Variants in CA12 observed in about 807,000 individuals in gnomAD.
The protein encoded by CA12 is carbonate dehydratase XII.
Under a neutral mutation model 46.8 loss-of-function variants are expected in CA12, and 36 were observed. The ratio of observed to expected loss-of-function variants is 0.77; its 90% CI spans 0.59 to 1.02. The LOEUF (loss-of-function observed/expected upper bound fraction) is 1.02, where lower values mean the gene tolerates loss of function less well. Ranked by LOEUF, CA12 falls within the 50% of genes least tolerant of loss-of-function variation. CA12 has a pLI of 0.00. For missense variants in CA12, 436 were observed against 451.4 expected, an observed-to-expected ratio of 0.97 and a Z score of 0.31; for synonymous variants, 202 against 187.0, an observed-to-expected ratio of 1.08 and a Z score of -0.65.
Position 63,341,217 on chromosome 15 carries a change from A to C in CA12, c.526-434T>G, listed in dbSNP as rs1368566733. 6.6e-6 allele frequency among the ~76,000 whole-genome samples: 1 copy of C among 152,178 alleles called. No homozygotes were observed. Among genetic ancestry groups the C allele is most frequent in the Admixed American group, 6.5e-5 (1 of 15,282 alleles). On this transcript the variant is annotated intron_variant, in intron 5 of 10. Coordinates refer to ENST00000178638, the MANE Select transcript of CA12 (RefSeq NM_001218.5). The surrounding 1 kb of genome is among the most constrained non-coding windows in gnomAD (Gnocchi z 5.2). ...CAAGCCAATCAGAAGACATTCCTCT[A>C]TCTTGGGATAAAAAAAGAATTCATT...
chr15:63,366,138 C>A (rs1339602433), intron 2 of CA12, among the ~76,000 whole-genome samples: 69 of 116,842 alleles, frequency 5.9e-4, no homozygotes, highest in South Asian at 2.3e-3. Flanking sequence ...GAGACTATCT[C>A]AAAAAAAAAA....
chr15:63,347,160 C>T (rs745816854), intron 2 of CA12, among the ~76,000 whole-genome samples: 10 of 152,228 alleles, frequency 6.6e-5, no homozygotes, highest in Non-Finnish European at 1.5e-4. Context: ...TCTGCGGGGC[C>T]ACCCCAGGTG....
At position 63,373,470 on chromosome 15, in the gene CA12, C is replaced by T. The variant is rs530074445; in HGVS notation, c.106+2188G>A. 3.9e-5 allele frequency among the ~76,000 whole-genome samples: 6 copies of T among 152,216 alleles called. No individual in the cohort carries two copies. The highest frequency in any genetic ancestry group is 1.9e-4 in the East Asian group (1 of 5,176). ...ACAGAGAGATAGGGATAGAGGACCCCGTAGAGATGTGATCTGTGTTTCTAT... is the reference window on the plus strand; with the variant it reads ...ACAGAGAGATAGGGATAGAGGACCCTGTAGAGATGTGATCTGTGTTTCTAT... On this transcript the variant is annotated intron_variant, in intron 2 of 10. Transcript: ENST00000178638. The surrounding 1 kb of genome is among the most constrained non-coding windows in gnomAD (Gnocchi z 4.9).
intron 8 of CA12, among the ~76,000 whole-genome samples, chr15:63,334,242 C>CTTTTTTTTTTTT (rs71131163): frequency 4.6e-5 from 3 of 64,964 alleles, no homozygotes; most frequent in African/African-American, 1.4e-4. Context: ...GGAAGAGGCA[C>CTTTTTTTTTTTT]TTTTTTTTTT....
rs373497090 is a variant in CA12 at position 63,343,279 on chromosome 15, C to T, written c.430-1182G>A. On this transcript the variant is annotated intron_variant, in intron 4 of 10. Coordinates refer to ENST00000178638, the MANE Select transcript of CA12 (RefSeq NM_001218.5). ...TTGAGGAGATTAAGATAGAAAGAATCTTTTTTTTTTTTTTTTTTTTTAATG... is the reference window on the plus strand; with the variant it reads ...TTGAGGAGATTAAGATAGAAAGAATTTTTTTTTTTTTTTTTTTTTTTAATG... 3.6e-3 allele frequency among the ~76,000 whole-genome samples: 351 copies of T among 98,762 alleles called. 2 individuals carry two copies. The highest frequency in any genetic ancestry group is 0.012 in the African/African-American group (305 of 26,506). The allele number at this position is 98,762 out of a possible 152,430, so 64.8% of individuals were successfully genotyped here.
rs913010070 is a variant in CA12, at chr15:63,368,532, C to G, written c.106+7126G>C. On this transcript the variant is annotated intron_variant, in intron 2 of 10. Transcript: ENST00000178638. ...CTTCCCACTCATGCTTTGAATTCAG[C>G]CTTTTTACTTGAAAGATTTATTTTG... 2.6e-5 allele frequency among the ~76,000 whole-genome samples: 4 copies of G among 152,246 alleles called. No individual in the cohort carries two copies. In the East Asian group the frequency reaches 5.8e-4, roughly 22 times the overall value.
chr15:63,340,285 T>TA lies in CA12; in HGVS notation c.747+2dup. 1 of 1,614,174 alleles carries TA rather than the reference T, an allele frequency of 6.2e-7. No individual in the cohort carries two copies. Among genetic ancestry groups the TA allele is most frequent in the Middle Eastern group, 1.6e-4 (1 of 6,062 alleles). Reference sequence around the variant, plus strand: ...CTCTGGCTGAGTCTGGCACGACAGTTACCTGCTCCTGGGAAATTTGCACGG... The same window carrying TA: ...CTCTGGCTGAGTCTGGCACGACAGTTAACCTGCTCCTGGGAAATTTGCACGG... On this transcript the variant is annotated splice_region_variant and intron_variant, in intron 7 of 10. Transcript: ENST00000178638. This position sits in a 1 kb window ranked among gnomAD's most constrained non-coding sequence, Gnocchi z 4.4.
At position 63,325,846 on chromosome 15, in the gene CA12, G is replaced by A. The variant is rs929539025; in HGVS notation, c.*439C>T. 9.4e-6 allele frequency: 2 copies of A among 213,098 alleles called. No individual in the cohort carries two copies. Among genetic ancestry groups the A allele is most frequent in the African/African-American group, 4.5e-5 (2 of 44,460 alleles). The allele number at this position is 213,098 out of a possible 1,614,324, so 13.2% of individuals were successfully genotyped here. ...CCCGTCTCCAGAGGAAAGAAGTTGA[G>A]TTTCCCAAGCAAAACCTAAGCAGAG... On this transcript the variant is annotated 3_prime_UTR_variant, in exon 11 of 11. Transcript: ENST00000178638. The surrounding 1 kb of genome is among the most constrained non-coding windows in gnomAD (Gnocchi z 4.9).
intron 2 of CA12, among the ~76,000 whole-genome samples, chr15:63,353,147 T>C (rs542980875): frequency 2.0e-5 from 3 of 151,992 alleles, no homozygotes; most frequent in Non-Finnish European, 2.9e-5. Flanking sequence ...AGTAAACCAA[T>C]GCACAAGGAA....
chr15:63,351,765 G>T (rs2039235401), intron 2 of CA12, among the ~76,000 whole-genome samples: 1 of 152,198 alleles, frequency 6.6e-6, no homozygotes, highest in Non-Finnish European at 1.5e-5. Flanking sequence ...GCCTACTCGG[G>T]TTGTGCACAC....
intron 2 of CA12, among the ~76,000 whole-genome samples, chr15:63,366,756 C>T (rs760606123): frequency 2.0e-5 from 3 of 152,050 alleles, no homozygotes; most frequent in Non-Finnish European, 4.4e-5. Flanking sequence ...TCATGGTACC[C>T]ATGTGGTGGG....
intron 2 of CA12, among the ~76,000 whole-genome samples, chr15:63,350,513 T>C (rs2039215742): frequency 6.6e-6 from 1 of 152,244 alleles, no homozygotes; most frequent in Non-Finnish European, 1.5e-5. Context: ...ATGATCGTGA[T>C]ACAGGAGGAT....
Position 63,329,715 on chromosome 15 carries a change from G to A in CA12, c.875-1585C>T, listed in dbSNP as rs375874299. On this transcript the variant is annotated intron_variant, in intron 8 of 10. Transcript: ENST00000178638. This position sits in a 1 kb window ranked among gnomAD's most constrained non-coding sequence, Gnocchi z 4.8. ...AACCCACAGTGGTGGCTGAGGCCCT[G>A]GGAGAGCCCTGGTCAAGTGTAAGAT... Among the ~76,000 whole-genome samples, 1 of 152,148 alleles carries A rather than the reference G, an allele frequency of 6.6e-6. No individual in the cohort carries two copies.
At position 63,330,080 on chromosome 15, in the gene CA12, C is replaced by A. The variant is rs1206685913; in HGVS notation, c.875-1950G>T. On this transcript the variant is annotated intron_variant, in intron 8 of 10. Transcript: ENST00000178638. This position sits in a 1 kb window ranked among gnomAD's most constrained non-coding sequence, Gnocchi z 4.0. ...CCTATTCTCCCTACTCTGCTCACCA[C>A]CACCAGCTGCTCATGACCTCCCAAG... Among the ~76,000 whole-genome samples, 1 of 152,228 alleles carries A rather than the reference C, an allele frequency of 6.6e-6. No individual in the cohort carries two copies. Among genetic ancestry groups the A allele is most frequent in the Admixed American group, 6.5e-5 (1 of 15,290 alleles).
intron 1 of CA12, among the ~76,000 whole-genome samples, chr15:63,376,557 C>CCTTTCTTTCTTTCT (rs1555432624): frequency 2.9e-5 from 3 of 104,526 alleles, no homozygotes; most frequent in South Asian, 3.9e-4. Context: ...CTCTTTCTTT[C>CCTTTCTTTCTTTCT]CTTTCTTTCT....
intron 2 of CA12, among the ~76,000 whole-genome samples, chr15:63,352,336 C>T (rs1267959844): frequency 2.6e-5 from 4 of 152,182 alleles, no homozygotes; most frequent in African/African-American, 7.2e-5. Context: ...GGAATACAGG[C>T]GCGAGCCACC....
rs932478396 is a variant in CA12, at chr15:63,368,029, T to C, written c.106+7629A>G. 4.6e-5 allele frequency among the ~76,000 whole-genome samples: 7 copies of C among 152,218 alleles called. 1 individual carries two copies. The highest frequency in any genetic ancestry group is 1.7e-4 in the African/African-American group (7 of 41,448). ...GTCAGACCAGGTGCATAATGGCCGT[T>C]ATTTTTATACCGTTTTGCCTCCACT... On this transcript the variant is annotated intron_variant, in intron 2 of 10. Transcript: ENST00000178638.
chr15:63,366,257 A>T (rs113080480), intron 2 of CA12, among the ~76,000 whole-genome samples: 2 of 150,674 alleles, frequency 1.3e-5, no homozygotes, highest in South Asian at 2.1e-4. Flanking sequence ...TTCCCTCATC[A>T]CTGAGGTCCT....
chr15:63,377,233 A>G (rs544085843), intron 1 of CA12, among the ~76,000 whole-genome samples: 4 of 152,170 alleles, frequency 2.6e-5, no homozygotes, highest in South Asian at 2.1e-4. Flanking sequence ...GACTCATCCA[A>G]TGAGGGGACT....
Sources: gnomAD v4.1 joint callset for allele counts (sites outside exome capture counted in the v4.1 genomes callset) on GRCh38, gnomAD v4.1.1 for gene constraint, Gnocchi (gnomAD v3.1) non-coding constraint, MANE v1.5 for transcripts, NCBI Gene and HGNC (gene_info 2026-07-23, HGNC 2026-07-21) for gene names.